Variants in TMEM132D observed in about 807,000 individuals in gnomAD.
TMEM132D encodes transmembrane protein 132D.
TMEM132D carries 21 observed loss-of-function variants against 62.3 expected under a neutral mutation model. The observed-to-expected ratio is 0.34, with a 90% CI of 0.24 to 0.49. The LOEUF is 0.49. TMEM132D is among the 20% of genes least tolerant of loss of function. The probability of loss-of-function intolerance (pLI) is 0.99; values close to 1 mark genes in which losing one functional copy is unlikely to be tolerated. For synonymous variants in TMEM132D, 621 were observed against 575.6 expected (o/e 1.08, Z -1.13); for missense variants, 1,346 against 1,402.8 (o/e 0.96, Z 0.65).
rs758036140 is a variant in TMEM132D, at chr12:129,699,802, C to G, written c.968+8G>C. 6.2e-7 allele frequency: 1 copy of G among 1,612,750 alleles called. No individual in the cohort carries two copies. The highest frequency in any genetic ancestry group is 8.5e-7 in the Non-Finnish European group (1 of 1,179,158). On this transcript the variant is annotated splice_region_variant and intron_variant, in intron 2 of 8. Transcript: ENST00000422113. The stretch of plus-strand genomic sequence containing the variant: ...GCGGGTACAGACAGACATTGGGAAA[C>G]GACTTACCTCAACGTGAAGCGATCT...
chr12:129,481,105 G>A (rs1158084093), intron 3 of TMEM132D, among the ~76,000 whole-genome samples: 1 of 152,062 alleles, frequency 6.6e-6, no homozygotes, highest in East Asian at 1.9e-4. Flanking sequence ...GGTCCAAGGT[G>A]CCTCTCAAGT....
intron 2 of TMEM132D, among the ~76,000 whole-genome samples, chr12:129,610,036 G>A (rs548680180): frequency 2.0e-5 from 3 of 152,286 alleles, no homozygotes; most frequent in East Asian, 1.9e-4. Flanking sequence ...TTGGGAGACC[G>A]AGGCAGGAGA....
intron 2 of TMEM132D, among the ~76,000 whole-genome samples, chr12:129,649,772 A>T (rs749605232): frequency 4.6e-5 from 7 of 151,876 alleles, no homozygotes; most frequent in African/African-American, 1.5e-4. Flanking sequence ...GTATGTGTAT[A>T]TGTGTGTATA....
intron 3 of TMEM132D, among the ~76,000 whole-genome samples, chr12:129,422,188 C>T (rs571955387): frequency 4.0e-5 from 6 of 150,278 alleles, no homozygotes; most frequent in African/African-American, 7.4e-5. Flanking sequence ...TTGGGTTTGA[C>T]GAAACATTCT....
At chr12:129,583,962 G>T (rs538912018) in intron 2 of TMEM132D, among the ~76,000 whole-genome samples, 2 of 152,032 alleles carry the variant, frequency 1.3e-5, no homozygotes, top group East Asian at 1.9e-4. Flanking sequence ...TAAATATTTC[G>T]GTTTCTGAAA....
At chr12:129,076,994 G>C (rs904694926) in intron 8 of TMEM132D, among the ~76,000 whole-genome samples, 1 of 152,234 alleles carries the variant, frequency 6.6e-6, no homozygotes. Context: ...CTTTGGCCAA[G>C]AATTCGATTC....
chr12:129,377,951 G>T (rs1870831656), intron 3 of TMEM132D, among the ~76,000 whole-genome samples: 1 of 152,184 alleles, frequency 6.6e-6, no homozygotes. Flanking sequence ...AGCGATAAAA[G>T]ATTATCTTAG....
At chr12:129,640,630 C>T (rs984622301) in intron 2 of TMEM132D, among the ~76,000 whole-genome samples, 1 of 152,180 alleles carries the variant, frequency 6.6e-6, no homozygotes, top group African/African-American at 2.4e-5. Flanking sequence ...CACTTCTGGT[C>T]ATAACCTGCT....
chr12:129,285,440 T>C (rs4760014), intron 4 of TMEM132D, among the ~76,000 whole-genome samples: 115,450 of 148,292 alleles, frequency 0.78, 49,992 homozygotes, highest in Non-Finnish European at 0.95. Flanking sequence ...GGCAGGAAAA[T>C]CGCTTGGACC....
intron 1 of TMEM132D, among the ~76,000 whole-genome samples, chr12:129,716,143 C>T (rs1868563458): frequency 6.6e-6 from 1 of 152,208 alleles, no homozygotes; most frequent in South Asian, 2.1e-4. Flanking sequence ...ATTTCAGGAA[C>T]TGCTTTTCTA....
At chr12:129,282,312 G>A (rs987345334) in intron 4 of TMEM132D, among the ~76,000 whole-genome samples, 3 of 152,192 alleles carry the variant, frequency 2.0e-5, no homozygotes, top group Admixed American at 6.5e-5. Context: ...AACCCAGGCA[G>A]AGCCCGGTTG....
intron 3 of TMEM132D, among the ~76,000 whole-genome samples, chr12:129,439,384 T>A (rs1872877224): frequency 6.6e-6 from 1 of 152,226 alleles, no homozygotes; most frequent in Non-Finnish European, 1.5e-5. Context: ...TTCTATTCTG[T>A]TCTCAATGTC....
chr12:129,809,180 C>A (rs903860188), intron 1 of TMEM132D, among the ~76,000 whole-genome samples: 4 of 151,920 alleles, frequency 2.6e-5, no homozygotes, highest in Non-Finnish European at 5.9e-5. Context: ...TGGTGGCGGG[C>A]ACCTGTAGTC....
chr12:129,544,962 C>G (rs1298856370), intron 2 of TMEM132D, among the ~76,000 whole-genome samples: 1 of 152,182 alleles, frequency 6.6e-6, no homozygotes, highest in Non-Finnish European at 1.5e-5. Context: ...TTACAACAGC[C>G]GCATCCCTAA....
chr12:129,076,184 T>G (rs1874250053), intron 8 of TMEM132D, among the ~76,000 whole-genome samples: 1 of 152,196 alleles, frequency 6.6e-6, no homozygotes, highest in Non-Finnish European at 1.5e-5. Context: ...AATTGGGGAA[T>G]GAAGCCCTCT....
chr12:129,262,320 G>A (rs1593315367), intron 4 of TMEM132D: 1 of 152,330 alleles, frequency 6.6e-6, no homozygotes, highest in Middle Eastern at 3.4e-3. Flanking sequence ...AACATCAGCT[G>A]ATTTAGTCTT....
intron 5 of TMEM132D, among the ~76,000 whole-genome samples, chr12:129,140,955 T>C (rs1331651843): frequency 6.6e-6 from 1 of 152,222 alleles, no homozygotes; most frequent in Non-Finnish European, 1.5e-5. Context: ...CTTGTTTAAC[T>C]GTCCCTCAGT....
intron 4 of TMEM132D, among the ~76,000 whole-genome samples, chr12:129,232,950 C>T (rs551227747): frequency 2.6e-5 from 4 of 152,232 alleles, no homozygotes; most frequent in South Asian, 2.1e-4. Context: ...CTGAGCCACT[C>T]GCCTCCCACC....
At chr12:129,542,320 T>C (rs1876603679) in intron 2 of TMEM132D, among the ~76,000 whole-genome samples, 1 of 152,206 alleles carries the variant, frequency 6.6e-6, no homozygotes, top group South Asian at 2.1e-4. Context: ...TATTGCTATT[T>C]TCTCAGCCTT....
Sources: gnomAD v4.1 joint callset for allele counts (sites outside exome capture counted in the v4.1 genomes callset) on GRCh38, gnomAD v4.1.1 for gene constraint, MANE v1.5 for transcripts, NCBI Gene and HGNC (gene_info 2026-07-23, HGNC 2026-07-21) for gene names.